Variants in DMD observed in about 807,000 individuals in gnomAD.
DMD encodes the protein mutant dystrophin.
In DMD, 63 loss-of-function variants were observed where a neutral mutation model predicts 330.1. The ratio of observed to expected loss-of-function variants is 0.19; its 90% CI spans 0.16 to 0.24. The LOEUF is 0.24. DMD is among the 10% of genes least tolerant of loss of function. The probability of loss-of-function intolerance (pLI) is 1.00; values close to 1 mark genes in which losing one functional copy is unlikely to be tolerated. For synonymous variants in DMD, 1,223 were observed against 959.8 expected, an observed-to-expected ratio of 1.27 and a Z score of -5.07; for missense variants, 3,344 against 2,684.1, an observed-to-expected ratio of 1.25 and a Z score of -5.43.
At chrX:32,528,091 T>C (rs1298099510) in intron 17 of DMD, among the ~76,000 whole-genome samples, 1 of 111,982 alleles carries the variant, frequency 8.9e-6, no homozygotes, top group Non-Finnish European at 1.9e-5. Flanking sequence ...GGCAGTTCAC[T>C]TGAGGTCAGG....
chrX:32,172,960 T>A (rs1456105385), intron 44 of DMD, among the ~76,000 whole-genome samples: 1 of 111,073 alleles, frequency 9.0e-6, no homozygotes, highest in East Asian at 2.8e-4. Context: ...CAGAATGATC[T>A]GGCTAAGTAT....
At chrX:32,511,739 T>A (rs779275528) in intron 18 of DMD, among the ~76,000 whole-genome samples, 1 of 110,569 alleles carries the variant, frequency 9.0e-6, no homozygotes, top group African/African-American at 3.3e-5. Context: ...TGTTTTTCTA[T>A]AGAGCTGTTT....
intron 17 of DMD, among the ~76,000 whole-genome samples, chrX:32,539,153 G>A (rs376195014): frequency 3.9e-4 from 40 of 101,640 alleles, no homozygotes; most frequent in African/African-American, 1.4e-3. Flanking sequence ...TGTGAAGATG[G>A]TATGCAAGAT....
chrX:32,894,138 T>A (rs906723644), intron 2 of DMD, among the ~76,000 whole-genome samples: 1 of 111,916 alleles, frequency 8.9e-6, no homozygotes, highest in Non-Finnish European at 1.9e-5. Flanking sequence ...ACCATTAAGT[T>A]GGAGGTAATG....
At chrX:31,574,130 G>GTT (rs2075964819) in intron 55 of DMD, among the ~76,000 whole-genome samples, 1 of 95,857 alleles carries the variant, frequency 1.0e-5, no homozygotes, top group Non-Finnish European at 2.1e-5. Flanking sequence ...AGGATGATCT[G>GTT]TTTGTTTTTT....
chrX:32,290,343 G>A (rs1456730), intron 42 of DMD, among the ~76,000 whole-genome samples: 60 of 111,181 alleles, frequency 5.4e-4, no homozygotes, highest in African/African-American at 1.7e-3. Flanking sequence ...TCAAGTAGCC[G>A]GTATATACCA....
intron 18 of DMD, among the ~76,000 whole-genome samples, chrX:32,510,635 A>G (rs1569565043): frequency 9.0e-6 from 1 of 111,511 alleles, no homozygotes; most frequent in Middle Eastern, 4.6e-3. Flanking sequence ...GTCCATATAC[A>G]ATATTATGGT....
Position 31,820,029 on chromosome X carries a change from C to G in DMD, c.7255G>C (p.Glu2419Gln). ...AGGTCAGGCTGCTTTGCCCTCAGCT[C>G]TTGAAGTAAACGGTTTACCGCCTTC... ...EWKAVNRLLQ[E>Q]LRAKQPDLAP... The change falls in exon 50 of 79, where the codon GAG becomes CAG. Residue 2419 changes from glutamate (E) to glutamine (Q), a missense_variant. Transcript: ENST00000357033. 1 of 1,211,960 alleles carries G rather than the reference C, an allele frequency of 8.3e-7. No individual in the cohort carries two copies. The highest frequency in any genetic ancestry group is 1.1e-6 in the Non-Finnish European group (1 of 895,565).
At chrX:32,884,598 G>A (rs762204217) in intron 2 of DMD, among the ~76,000 whole-genome samples, 44 of 111,696 alleles carry the variant, frequency 3.9e-4, no homozygotes, top group Non-Finnish European at 6.2e-4. Context: ...GCTGGAATTG[G>A]AACCAGGACC....
At chrX:31,578,720 A>G (rs2076215195) in intron 55 of DMD, among the ~76,000 whole-genome samples, 1 of 112,364 alleles carries the variant, frequency 8.9e-6, no homozygotes, top group African/African-American at 3.2e-5. Context: ...AATGAAGCTT[A>G]TTGGTAGATA....
chrX:32,346,226 A>G, intron 38 of DMD, 146 bp from the exon 39 acceptor site: 1 of 636,026 alleles, frequency 1.6e-6, no homozygotes, highest in Non-Finnish European at 2.4e-6. Flanking sequence ...TACTGTGCTC[A>G]TAGCCTTTCT....
intron 11 of DMD, among the ~76,000 whole-genome samples, chrX:32,627,789 A>C (rs371792739): frequency 8.9e-6 from 1 of 111,953 alleles, no homozygotes; most frequent in Non-Finnish European, 1.9e-5. Flanking sequence ...ATTGTCATTA[A>C]TAATTTTATT....
chrX:31,974,988 T>A lies in DMD; in HGVS notation c.6439-6474A>T, dbSNP rs759630984. On this transcript the variant is annotated intron_variant, in intron 44 of 78. Coordinates refer to ENST00000357033, the MANE Select transcript of DMD (RefSeq NM_004006.3). ...CATAAAGAGCTTTAAGTACTACATGTTTTGTAAGGGTATCTTGGGTTGTTT... is the reference window on the plus strand; with the variant it reads ...CATAAAGAGCTTTAAGTACTACATGATTTGTAAGGGTATCTTGGGTTGTTT... Among the ~76,000 whole-genome samples, 19 of 110,291 alleles carry A rather than the reference T, an allele frequency of 1.7e-4. No individual in the cohort carries two copies. The South Asian group carries it at 3.8e-3, about 22-fold the overall frequency.
intron 2 of DMD, among the ~76,000 whole-genome samples, chrX:32,906,641 T>C (rs2086750229): frequency 8.9e-6 from 1 of 111,870 alleles, no homozygotes; most frequent in African/African-American, 3.2e-5. Flanking sequence ...GTTTGGAATT[T>C]ACTCTTGGTA....
chrX:31,607,976 C>T (rs1046046479), intron 55 of DMD, among the ~76,000 whole-genome samples: 19 of 111,840 alleles, frequency 1.7e-4, no homozygotes, highest in African/African-American at 5.5e-4. Context: ...TTATGGGTTT[C>T]GTTTTAATGA....
intron 9 of DMD, among the ~76,000 whole-genome samples, chrX:32,697,431 GAATA>G (rs1406684515): frequency 8.9e-6 from 1 of 111,851 alleles, no homozygotes; most frequent in Non-Finnish European, 1.9e-5. Flanking sequence ...ATTTTAGAAT[GAATA>G]GATAAAATAA....
At chrX:32,490,691 T>C (rs1204773649) in intron 20 of DMD, among the ~76,000 whole-genome samples, 1 of 111,626 alleles carries the variant, frequency 9.0e-6, no homozygotes, top group Non-Finnish European at 1.9e-5. Context: ...GCTCTCTCAC[T>C]GATCCTTTCT....
At chrX:32,978,944 G>A (rs2092629215) in intron 2 of DMD, among the ~76,000 whole-genome samples, 1 of 111,961 alleles carries the variant, frequency 8.9e-6, no homozygotes, top group Non-Finnish European at 1.9e-5. Flanking sequence ...ACATAAAGAA[G>A]ACTTAAACTA....
chrX:31,921,595 G>A (rs1421735808), intron 47 of DMD, among the ~76,000 whole-genome samples: 1 of 112,256 alleles, frequency 8.9e-6, no homozygotes, highest in East Asian at 2.8e-4. Flanking sequence ...TTTTGTGCTT[G>A]CTCTTTGCAT....
Sources: gnomAD v4.1 joint callset for allele counts (sites outside exome capture counted in the v4.1 genomes callset) on GRCh38, gnomAD v4.1.1 for gene constraint, MANE v1.5 for transcripts, NCBI Gene and HGNC (gene_info 2026-07-23, HGNC 2026-07-21) for gene names.